The following FNDC3B variants were observed in gnomAD, a reference collection of about 807,000 sequenced individuals.
FNDC3B encodes fibronectin type III domain-containing protein 3B.
A neutral mutation model predicts 151.5 loss-of-function variants in FNDC3B; 12 were observed. That is an observed-to-expected ratio of 0.08 (90% CI 0.05 to 0.13). The LOEUF (loss-of-function observed/expected upper bound fraction) is 0.13. FNDC3B is among the 10% of genes least tolerant of loss of function. The pLI is 1.00. For missense variants in FNDC3B, 1,214 were observed against 1,505.3 expected, an observed-to-expected ratio of 0.81 and a Z score of 3.20; for synonymous variants, 528 against 549.0, an observed-to-expected ratio of 0.96 and a Z score of 0.54.
intron 3 of FNDC3B, among the ~76,000 whole-genome samples, chr3:172,191,046 A>G (rs1290807957): frequency 1.3e-5 from 2 of 152,236 alleles, no homozygotes; most frequent in Non-Finnish European, 2.9e-5. Context: ...CTTATTTCAC[A>G]TCTAAAATCA....
chr3:172,220,012 A>G lies in FNDC3B; in HGVS notation c.188-6859A>G, dbSNP rs376438540. ...AAAAAACACAGTTACTTTTGCACCAACCTAATACAAGTAAAAGTGGAATTG... is the reference window on the plus strand; with the variant it reads ...AAAAAACACAGTTACTTTTGCACCAGCCTAATACAAGTAAAAGTGGAATTG... On this transcript the variant is annotated intron_variant, in intron 3 of 25. Coordinates refer to ENST00000415807, the MANE Select transcript of FNDC3B (RefSeq NM_022763.4). 3.9e-5 allele frequency among the ~76,000 whole-genome samples: 6 copies of G among 152,208 alleles called. No homozygotes were observed. The East Asian group carries it at 5.8e-4, about 15-fold the overall frequency.
intron 1 of FNDC3B, among the ~76,000 whole-genome samples, chr3:172,107,240 C>A (rs1719701283): frequency 6.6e-6 from 1 of 151,990 alleles, no homozygotes; most frequent in African/African-American, 2.4e-5. Flanking sequence ...GTGGTTGTTA[C>A]CAAATTCTTT....
chr3:172,145,815 T>C (rs933990205), intron 3 of FNDC3B, among the ~76,000 whole-genome samples: 33 of 149,028 alleles, frequency 2.2e-4, no homozygotes, highest in Non-Finnish European at 3.3e-4. Flanking sequence ...TTCTTTCTTT[T>C]TTTTTTTTTT....
Position 172,352,735 on chromosome 3 carries a change from C to T in FNDC3B, c.2515-68C>T. The T allele has an allele frequency of 6.8e-7, 1 of 1,471,070 alleles. No homozygotes were observed. The highest frequency in any genetic ancestry group is 9.2e-7 in the Non-Finnish European group (1 of 1,086,150). The allele number at this position is 1,471,070 out of a possible 1,614,324, so 91.1% of individuals were successfully genotyped here. On this transcript the variant is annotated intron_variant, in intron 21 of 25. Transcript: ENST00000415807. This position sits in a 1 kb window ranked among gnomAD's most constrained non-coding sequence, Gnocchi z 4.2. Reference sequence around the variant, plus strand: ...CTACTTTAGATTTATTTAATGGCAGCTAACTCAGAGGCATCAAAATGTGCT... The same window carrying T: ...CTACTTTAGATTTATTTAATGGCAGTTAACTCAGAGGCATCAAAATGTGCT...
chr3:172,168,599 C>T (rs967881655), intron 3 of FNDC3B, among the ~76,000 whole-genome samples: 1 of 152,114 alleles, frequency 6.6e-6, no homozygotes, highest in African/African-American at 2.4e-5. Flanking sequence ...TATTTAATAA[C>T]TGATAATATA....
chr3:172,079,767 T>A (rs966994409), intron 1 of FNDC3B, among the ~76,000 whole-genome samples: 2 of 152,224 alleles, frequency 1.3e-5, no homozygotes, highest in African/African-American at 4.8e-5. Flanking sequence ...TTTACAAGTC[T>A]GCTTGTCATG....
chr3:172,311,470 C>T (rs1459252872), intron 11 of FNDC3B, among the ~76,000 whole-genome samples: 1 of 152,062 alleles, frequency 6.6e-6, no homozygotes, highest in Non-Finnish European at 1.5e-5. Context: ...TTCTCAAAGC[C>T]ACTGTGTGCC....
chr3:172,333,246 C>A, intron 14 of FNDC3B, 71 bp downstream of exon 14: 2 of 961,060 alleles, frequency 2.1e-6, no homozygotes, highest in South Asian at 1.3e-5. Context: ...TTTACCATGT[C>A]AGATTGACTC....
chr3:172,250,330 G>C (rs986788608), intron 5 of FNDC3B, among the ~76,000 whole-genome samples: 3 of 152,076 alleles, frequency 2.0e-5, no homozygotes, highest in Admixed American at 2.0e-4. Flanking sequence ...TTTCAGAGAT[G>C]GCTTTTCTTT....
At chr3:172,166,150 A>G (rs1344356349) in intron 3 of FNDC3B, among the ~76,000 whole-genome samples, 18 of 152,190 alleles carry the variant, frequency 1.2e-4, no homozygotes, top group Admixed American at 1.1e-3. Flanking sequence ...CATTGGTGAA[A>G]AAAGTCATCA....
intron 25 of FNDC3B, among the ~76,000 whole-genome samples, chr3:172,385,659 C>T (rs529966939): frequency 4.7e-4 from 72 of 151,638 alleles, no homozygotes; most frequent in African/African-American, 1.7e-3. Context: ...CCCGGGTTCA[C>T]GCCATTCTCC....
At chr3:172,123,635 T>C (rs1319409470) in intron 2 of FNDC3B, among the ~76,000 whole-genome samples, 1 of 152,186 alleles carries the variant, frequency 6.6e-6, no homozygotes, top group Admixed American at 6.5e-5. Context: ...GCCACAGTAA[T>C]GCAGCTAATT....
At chr3:172,141,537 T>C (rs1721630557) in intron 3 of FNDC3B, among the ~76,000 whole-genome samples, 1 of 152,246 alleles carries the variant, frequency 6.6e-6, no homozygotes, top group South Asian at 2.1e-4. Flanking sequence ...TACATTTTCA[T>C]TGAATTCCAT....
chr3:172,068,422 C>G (rs1427430763), intron 1 of FNDC3B, among the ~76,000 whole-genome samples: 1 of 110,428 alleles, frequency 9.1e-6, no homozygotes, highest in African/African-American at 2.9e-5. Flanking sequence ...TTGTGAGGAG[C>G]CTTTTTTTTT....
intron 3 of FNDC3B, among the ~76,000 whole-genome samples, chr3:172,135,900 G>T (rs568043450): frequency 6.6e-6 from 1 of 152,330 alleles, no homozygotes; most frequent in Non-Finnish European, 1.5e-5. Context: ...AATAGGCAGT[G>T]TATTTGTAAA....
Position 172,347,212 on chromosome 3 carries a change from A to C in FNDC3B, c.2365A>C (p.Ser789Arg). The C allele has an allele frequency of 6.2e-7, 1 of 1,609,668 alleles. No individual in the cohort carries two copies. Among genetic ancestry groups the C allele is most frequent in the Admixed American group, 1.7e-5 (1 of 59,472 alleles). The change falls in exon 21 of 26, where the codon AGT becomes CGT. Residue 789 changes from serine (S) to arginine (R), a missense_variant and splice_region_variant. Around this residue, in one of 7 missense-constraint regions of FNDC3B, gnomAD observed 380 missense variants for 420.9 expected, o/e 0.90. Coordinates refer to ENST00000415807, the MANE Select transcript of FNDC3B (RefSeq NM_022763.4). ...ACTACTTCCATTTCTGCCTTTCCAG[A>C]GTCCTGATAGTTCTGGTGCTGACAT... Reference protein sequence around the residue: ...PDGCVLVGWESPDSSGADISE... With the variant: ...PDGCVLVGWERPDSSGADISE...
intron 1 of FNDC3B, among the ~76,000 whole-genome samples, chr3:172,079,656 A>G (rs80011012): frequency 4.3e-4 from 66 of 152,302 alleles, no homozygotes; most frequent in African/African-American, 1.5e-3. Context: ...AGATGACAAA[A>G]TTCAAATTCT....
At chr3:172,118,995 C>T (rs1027782885) in intron 2 of FNDC3B, among the ~76,000 whole-genome samples, 7 of 151,424 alleles carry the variant, frequency 4.6e-5, no homozygotes, top group African/African-American at 9.7e-5. Context: ...GGTGAAACCC[C>T]GTCTCTACTA....
intron 11 of FNDC3B, among the ~76,000 whole-genome samples, chr3:172,319,104 G>A (rs951080791): frequency 6.6e-6 from 1 of 152,206 alleles, no homozygotes; most frequent in African/African-American, 2.4e-5. Flanking sequence ...CAAACTTGAT[G>A]TGGAGCTTCT....
Sources: allele counts gnomAD v4.1 joint callset (sites outside exome capture counted in the v4.1 genomes callset), GRCh38; gene constraint gnomAD v4.1.1; regional missense constraint gnomAD v4.1.1; non-coding constraint Gnocchi (gnomAD v3.1); transcripts MANE v1.5; gene names NCBI Gene and HGNC (gene_info 2026-07-23, HGNC 2026-07-21).